Variants in NMU observed in about 807,000 individuals in gnomAD.
The protein encoded by NMU is neuromedin U.
A neutral mutation model predicts 35.4 loss-of-function variants in NMU; 29 were observed. That is an observed-to-expected ratio of 0.82 (90% CI 0.61 to 1.12). The LOEUF is 1.12. Among genes scored for constraint, NMU ranks in the 50% most tolerant of loss-of-function variants. NMU has a pLI of 0.00. For missense variants in NMU, 199 were observed against 206.2 expected (o/e 0.97, Z 0.21); for synonymous variants, 78 against 81.3 (o/e 0.96, Z 0.22).
chr4:55,604,069 T>C lies in NMU; in HGVS notation c.435+1206A>G, dbSNP rs1286455281. ...GTGTTACAAGGGTTAGGATTTTTTT[T>C]CTTTTTTTTTTTTCGAGACAGAGTC... is the stretch of plus-strand genomic sequence containing the variant. On this transcript the variant is annotated intron_variant, in intron 7 of 9. Coordinates refer to ENST00000264218, the MANE Select transcript of NMU (RefSeq NM_006681.4). Among the ~76,000 whole-genome samples, 8 of 8,524 alleles carry C rather than the reference T, an allele frequency of 9.4e-4. 2 individuals are homozygous for C. Among genetic ancestry groups the C allele is most frequent in the Admixed American group, 3.5e-3 (2 of 574 alleles). The allele number at this position is 8,524 out of a possible 152,430, so 5.6% of individuals were successfully genotyped here.
At chr4:55,618,794 T>C (rs1473180587) in intron 2 of NMU, among the ~76,000 whole-genome samples, 1 of 151,196 alleles carries the variant, frequency 6.6e-6, no homozygotes, top group Non-Finnish European at 1.5e-5. Context: ...CCTTTCTTTC[T>C]TCTCTTCCTT....
At chr4:55,601,838 T>C (rs1448890008) in intron 7 of NMU, among the ~76,000 whole-genome samples, 1 of 151,108 alleles carries the variant, frequency 6.6e-6, no homozygotes, top group Non-Finnish European at 1.5e-5. Flanking sequence ...AATAAAAAAA[T>C]TTAGCCAGGT....
chr4:55,604,222 C>T (rs866978953), intron 7 of NMU, among the ~76,000 whole-genome samples: 1 of 150,220 alleles, frequency 6.7e-6, no homozygotes, highest in Non-Finnish European at 1.5e-5. Context: ...CCCACCGCCA[C>T]GCCCAGCTAA....
chr4:55,599,078 C>T (rs1733319215), intron 9 of NMU, 64 bp downstream of exon 9: 4 of 1,055,878 alleles, frequency 3.8e-6, no homozygotes, highest in South Asian at 2.8e-5. Flanking sequence ...AAATGTCAAA[C>T]TGTGTTGAAC....
intron 2 of NMU, among the ~76,000 whole-genome samples, chr4:55,619,552 T>G (rs965162096): frequency 4.9e-5 from 7 of 142,132 alleles, no homozygotes; most frequent in Admixed American, 4.3e-4. Context: ...CACAGCAGTC[T>G]GAGATCAAAC....
chr4:55,611,083 C>T (rs1272333537), intron 3 of NMU, among the ~76,000 whole-genome samples: 1 of 152,072 alleles, frequency 6.6e-6, no homozygotes, highest in Non-Finnish European at 1.5e-5. Context: ...AAAAGTTGGC[C>T]AGGAACGGTG....
intron 2 of NMU, among the ~76,000 whole-genome samples, chr4:55,626,771 C>G (rs1734547968): frequency 6.6e-6 from 1 of 152,066 alleles, no homozygotes; most frequent in Admixed American, 6.6e-5. Context: ...TCCATGTAGT[C>G]CTTTGCTGAA....
At chr4:55,604,238 G>A (rs1389119587) in intron 7 of NMU, among the ~76,000 whole-genome samples, 2 of 150,684 alleles carry the variant, frequency 1.3e-5, no homozygotes, top group Non-Finnish European at 3.0e-5. Flanking sequence ...GCTAATTTTT[G>A]TATTTTTAGT....
intron 3 of NMU, among the ~76,000 whole-genome samples, chr4:55,614,590 AT>A (rs1734048269): frequency 6.6e-6 from 1 of 152,200 alleles, no homozygotes; most frequent in Non-Finnish European, 1.5e-5. Context: ...TAAAACAATA[AT>A]TTTTTAAAGT....
intron 7 of NMU, among the ~76,000 whole-genome samples, chr4:55,602,602 C>T (rs1045403218): frequency 6.6e-6 from 1 of 152,152 alleles, no homozygotes; most frequent in Non-Finnish European, 1.5e-5. Context: ...GAAACTGTAT[C>T]TTTAAGTTGA....
intron 2 of NMU, among the ~76,000 whole-genome samples, chr4:55,625,609 A>G (rs574838837): frequency 3.7e-4 from 56 of 152,248 alleles, no homozygotes; most frequent in Middle Eastern, 3.4e-3. Flanking sequence ...TTCATAGCTC[A>G]CTATCATCAT....
At chr4:55,604,686 T>TTTTTTTTTTTTTTTTTC in intron 7 of NMU, among the ~76,000 whole-genome samples, 1 of 121,632 alleles carries the variant, frequency 8.2e-6, no homozygotes, top group Non-Finnish European at 1.7e-5. Context: ...CTAATTTTTT[T>TTTTTTTTTTTTTTTTTC]TTTTTTTTTT....
intron 7 of NMU, among the ~76,000 whole-genome samples, chr4:55,602,886 C>T (rs1733480954): frequency 6.6e-6 from 1 of 152,164 alleles, no homozygotes. Context: ...AATATATTCA[C>T]CTAAACTCTA....
rs1733630543 is a variant in NMU, at chr4:55,605,256, T to C, written c.435+19A>G. 6.4e-7 allele frequency: 1 copy of C among 1,560,206 alleles called. No individual in the cohort carries two copies. The highest frequency in any genetic ancestry group is 1.4e-5 in the African/African-American group (1 of 74,034). On this transcript the variant is annotated intron_variant, in intron 7 of 9. Coordinates refer to ENST00000264218, the MANE Select transcript of NMU (RefSeq NM_006681.4). ...CCCACACGGAATGGCAAAGCCAGCATGCAGTTTGTATTACATACGTCCACT... is the reference window on the plus strand; with the variant it reads ...CCCACACGGAATGGCAAAGCCAGCACGCAGTTTGTATTACATACGTCCACT...
At chr4:55,607,584 T>C in intron 4 of NMU, 118 bp from the exon 5 acceptor site, 1 of 373,162 alleles carries the variant, frequency 2.7e-6, no homozygotes, top group Non-Finnish European at 4.9e-6. Context: ...TCATGTTACA[T>C]ATAAAATACA....
chr4:55,612,311 G>T (rs1733962590), intron 3 of NMU, among the ~76,000 whole-genome samples: 1 of 152,160 alleles, frequency 6.6e-6, no homozygotes, highest in South Asian at 2.1e-4. Context: ...GAGGTGGGAG[G>T]ATTGCTTGAG....
At chr4:55,602,598 G>A (rs777532562) in intron 7 of NMU, among the ~76,000 whole-genome samples, 8 of 152,146 alleles carry the variant, frequency 5.3e-5, no homozygotes, top group Non-Finnish European at 1.2e-4. Context: ...TTAAGAAACT[G>A]TATCTTTAAG....
chr4:55,610,903 T>C (rs1733905482), intron 3 of NMU, among the ~76,000 whole-genome samples: 2 of 152,286 alleles, frequency 1.3e-5, no homozygotes, highest in South Asian at 4.1e-4. Flanking sequence ...TATGCATGCT[T>C]GTGTCTTCAT....
intron 1 of NMU, among the ~76,000 whole-genome samples, chr4:55,630,771 A>C (rs1426271611): frequency 6.6e-6 from 1 of 152,154 alleles, no homozygotes; most frequent in East Asian, 1.9e-4. Context: ...CAATCTACAG[A>C]TTCAATGCAA....
Sources: allele counts gnomAD v4.1 joint callset (sites outside exome capture counted in the v4.1 genomes callset), GRCh38; gene constraint gnomAD v4.1.1; transcripts MANE v1.5; gene names NCBI Gene and HGNC (gene_info 2026-07-23, HGNC 2026-07-21).